The following MED4 variants were observed in gnomAD, a reference collection of about 807,000 sequenced individuals.
MED4 encodes the protein mediator complex subunit 4.
In MED4, 21 loss-of-function variants were observed where a neutral mutation model predicts 35.0. The ratio of observed to expected loss-of-function variants is 0.60; its 90% confidence interval spans 0.43 to 0.86. The LOEUF (loss-of-function observed/expected upper bound fraction) is 0.86. Among genes scored for constraint, MED4 ranks in the 40% least tolerant of loss-of-function variants. The pLI is 0.00. For synonymous variants in MED4, 138 were observed against 114.0 expected (o/e 1.21, Z -1.34); for missense variants, 300 against 319.4 (o/e 0.94, Z 0.46).
intron 2 of MED4, among the ~76,000 whole-genome samples, chr13:48,088,366 T>C (rs1281448298): frequency 6.6e-6 from 1 of 152,232 alleles, no homozygotes; most frequent in East Asian, 1.9e-4. Context: ...GGAATTCTTC[T>C]AATACAATAG....
At chr13:48,093,747 T>C (rs1950906158) in intron 1 of MED4, 2 of 237,278 alleles carry the variant, frequency 8.4e-6, no homozygotes, top group Middle Eastern at 5.3e-4. Context: ...TTCTGCTGTC[T>C]AGGTGTTTTC....
At chr13:48,090,240 A>G in intron 2 of MED4, 112 bp downstream of exon 2, 1 of 808,168 alleles carries the variant, frequency 1.2e-6, no homozygotes. Flanking sequence ...AGGATCCAAC[A>G]TTCCTGTTCC....
intron 2 of MED4, among the ~76,000 whole-genome samples, chr13:48,088,895 G>A (rs1422339145): frequency 6.6e-6 from 1 of 152,122 alleles, no homozygotes; most frequent in African/African-American, 2.4e-5. Flanking sequence ...CAGTTTCAAT[G>A]AAAATTACAT....
intron 5 of MED4, among the ~76,000 whole-genome samples, chr13:48,080,218 G>C (rs1950794876): frequency 6.6e-6 from 1 of 151,728 alleles, no homozygotes. Context: ...CCAGCATGGT[G>C]AAACCCCGTC....
At chr13:48,093,541 T>C in intron 1 of MED4, 1 of 463,780 alleles carries the variant, frequency 2.2e-6, no homozygotes, top group South Asian at 1.6e-5. Flanking sequence ...TCAGTACACA[T>C]AACTACCTCT....
At chr13:48,090,247 T>C (rs1950881193) in intron 2 of MED4, 105 bp downstream of exon 2, 2 of 857,244 alleles carry the variant, frequency 2.3e-6, no homozygotes, top group Non-Finnish European at 3.7e-6. Flanking sequence ...AACATTCCTG[T>C]TCCCACACAA....
intron 3 of MED4, among the ~76,000 whole-genome samples, chr13:48,086,016 C>T (rs1391064569): frequency 6.7e-6 from 1 of 150,064 alleles, no homozygotes; most frequent in Non-Finnish European, 1.5e-5. Context: ...AAAAGTAAAA[C>T]TTTCCATTTC....
In MED4 at chr13:48,080,025, T is replaced by C. The variant is rs1296983877; in HGVS notation, c.509-50A>G. 10 of 1,578,234 alleles carry C rather than the reference T, an allele frequency of 6.3e-6. 1 individual carries two copies. The South Asian group carries it at 1.1e-4, about 18-fold the overall frequency. Reference sequence around the variant, plus strand: ...ATTCAATCATATTTTAAAAAATAAGTGTTAATATGTTATTTGACATACTCA... The same window carrying C: ...ATTCAATCATATTTTAAAAAATAAGCGTTAATATGTTATTTGACATACTCA... On this transcript the variant is annotated intron_variant, in intron 5 of 6. Transcript: ENST00000258648.
At chr13:48,078,260 A>T (rs185660572) in intron 6 of MED4, among the ~76,000 whole-genome samples, 1 of 151,884 alleles carries the variant, frequency 6.6e-6, no homozygotes, top group Non-Finnish European at 1.5e-5. Flanking sequence ...CCTCAAATCT[A>T]CCCTTCTCTC....
At chr13:48,085,797 A>G (rs1038015130) in intron 3 of MED4, among the ~76,000 whole-genome samples, 4 of 152,202 alleles carry the variant, frequency 2.6e-5, no homozygotes, top group African/African-American at 9.6e-5. Context: ...AGGATCCTTG[A>G]TCTATGTCCA....
At chr13:48,091,593 A>G (rs1223553879) in intron 1 of MED4, among the ~76,000 whole-genome samples, 1 of 152,220 alleles carries the variant, frequency 6.6e-6, no homozygotes, top group Admixed American at 6.5e-5. Flanking sequence ...CAATGAATGA[A>G]AAAAGTAGAT....
rs1950757724 is a variant in MED4, at chr13:48,076,222, C to A, written c.*917G>T. 6.6e-6 allele frequency: 1 copy of A among 152,082 alleles called. No individual in the cohort carries two copies. The highest frequency in any genetic ancestry group is 6.5e-5 in the Admixed American group (1 of 15,268). The allele number at this position is 152,082 out of a possible 1,614,324, so 9.4% of individuals were successfully genotyped here. On this transcript the variant is annotated 3_prime_UTR_variant, in exon 7 of 7. Coordinates refer to ENST00000258648, the MANE Select transcript of MED4 (RefSeq NM_014166.4). ...GAAGATACATTGTCTAAAACTGATACATCAAGAAATAGTTGTATAAGCATA... is the reference window on the plus strand; with the variant it reads ...GAAGATACATTGTCTAAAACTGATAAATCAAGAAATAGTTGTATAAGCATA...
chr13:48,094,889 C>A, intron 1 of MED4, 65 bp downstream of exon 1: 2 of 1,578,704 alleles, frequency 1.3e-6, no homozygotes, highest in Non-Finnish European at 1.7e-6. Context: ...AAACGCAGGG[C>A]CGGCCGGCTC....
chr13:48,083,617 ATAT>A (rs922936638), intron 3 of MED4, among the ~76,000 whole-genome samples, 189 bp from the exon 4 acceptor site: 55 of 152,346 alleles, frequency 3.6e-4, no homozygotes, highest in African/African-American at 1.3e-3. Flanking sequence ...AATGAAAGAA[ATAT>A]TATATTTATG....
intron 2 of MED4, among the ~76,000 whole-genome samples, chr13:48,089,356 C>T (rs1185180733): frequency 6.6e-6 from 1 of 152,162 alleles, no homozygotes; most frequent in Non-Finnish European, 1.5e-5. Context: ...GGTAATGATG[C>T]AGACAAAAGA....
At chr13:48,082,683 C>T (rs540120418) in intron 4 of MED4, among the ~76,000 whole-genome samples, 13 of 152,184 alleles carry the variant, frequency 8.5e-5, no homozygotes, top group African/African-American at 2.9e-4. Context: ...AAAAATTAGC[C>T]GGGTGTGGTG....
rs530071097 is a variant in MED4, at chr13:48,087,260, G to C, written c.193-808C>G. On this transcript the variant is annotated intron_variant, in intron 2 of 6. Coordinates refer to ENST00000258648, the MANE Select transcript of MED4 (RefSeq NM_014166.4). ...CATGCCTATAATCCCAGGTACTCAG[G>C]AGGCTGAGGAAGGAGAATCGCTTGA... Among the ~76,000 whole-genome samples the C allele has an allele frequency of 3.3e-5, 5 of 152,130 alleles. No individual in the cohort carries two copies. In the South Asian group the frequency reaches 1.0e-3, roughly 32 times the overall value.
chr13:48,090,829 C>T (rs904896044), intron 1 of MED4, among the ~76,000 whole-genome samples: 2 of 152,140 alleles, frequency 1.3e-5, no homozygotes, highest in Non-Finnish European at 2.9e-5. Context: ...GCATTATGAG[C>T]GATTTATGCA....
At chr13:48,089,687 C>T (rs1436722339) in intron 2 of MED4, among the ~76,000 whole-genome samples, 2 of 152,130 alleles carry the variant, frequency 1.3e-5, no homozygotes, top group Non-Finnish European at 2.9e-5. Flanking sequence ...CAGGTTGAGG[C>T]TGCAGTGAGC....
Sources: gnomAD v4.1 joint callset for allele counts (sites outside exome capture counted in the v4.1 genomes callset) on GRCh38, gnomAD v4.1.1 for gene constraint, MANE v1.5 for transcripts, NCBI Gene and HGNC (gene_info 2026-07-23, HGNC 2026-07-21) for gene names.